The following B4GALT1 variants were observed in gnomAD, a reference collection of about 807,000 sequenced individuals.
The protein encoded by B4GALT1 is N-acetyllactosamine synthase.
In B4GALT1, 16 loss-of-function variants were observed where a neutral mutation model predicts 34.9. The observed-to-expected ratio is 0.46, with a 90% CI of 0.31 to 0.70. B4GALT1 has a LOEUF of 0.70. Among genes scored for constraint, B4GALT1 ranks in the 30% least tolerant of loss-of-function variants. The pLI, the probability that B4GALT1 is intolerant of heterozygous loss-of-function variation, is 0.05. For missense variants in B4GALT1, 445 were observed against 530.5 expected, an observed-to-expected ratio of 0.84 and a Z score of 1.58; for synonymous variants, 221 against 218.1, an observed-to-expected ratio of 1.01 and a Z score of -0.12.
chr9:33,133,552 T>C (rs767619083), intron 2 of B4GALT1, among the ~76,000 whole-genome samples: 6 of 152,230 alleles, frequency 3.9e-5, no homozygotes, highest in Non-Finnish European at 5.9e-5. Flanking sequence ...TAAATGAATA[T>C]GTGTTGGGTT....
intron 2 of B4GALT1, among the ~76,000 whole-genome samples, chr9:33,132,509 G>A (rs1840208048): frequency 1.3e-5 from 2 of 152,354 alleles, no homozygotes; most frequent in East Asian, 1.9e-4. Flanking sequence ...ATTTGGGGAA[G>A]CACACTTTTG....
intron 1 of B4GALT1, among the ~76,000 whole-genome samples, chr9:33,161,013 G>C (rs1840666864): frequency 7.1e-6 from 1 of 140,828 alleles, no homozygotes; most frequent in Non-Finnish European, 1.6e-5. Flanking sequence ...TCTCTGTGAG[G>C]CAAGTCATTC....
upstream of B4GALT1, among the ~76,000 whole-genome samples, chr9:33,172,051 C>T (rs374635293): frequency 2.6e-5 from 4 of 152,110 alleles, no homozygotes; most frequent in South Asian, 6.2e-4. Flanking sequence ...CAGGTGTTAC[C>T]GACCAAAGCG....
At chr9:33,115,451 G>C (rs1839925428) in intron 4 of B4GALT1, among the ~76,000 whole-genome samples, 2 of 152,174 alleles carry the variant, frequency 1.3e-5, no homozygotes, top group African/African-American at 2.4e-5. Context: ...ACATCATAAT[G>C]ATTTACCAGC....
chr9:33,119,635 G>C (rs200701271), intron 3 of B4GALT1, among the ~76,000 whole-genome samples: 51 of 152,206 alleles, frequency 3.4e-4, no homozygotes, highest in Non-Finnish European at 6.6e-4. Context: ...AGGATGGATT[G>C]AGCCCAGGCA....
Position 33,151,237 on chromosome 9 carries a change from T to G in B4GALT1, c.412+15521A>C, listed in dbSNP as rs76002022. On this transcript the variant is annotated intron_variant, in intron 1 of 5. Transcript: ENST00000379731. ...CCCTTGCAGTGAATTCAGCCAGAGA[T>G]TTCTAAGCTACTCAATAACAGTTCT... is the stretch of plus-strand genomic sequence containing the variant. Among the ~76,000 whole-genome samples, 6 of 152,312 alleles carry G rather than the reference T, an allele frequency of 3.9e-5. No individual in the cohort carries two copies. The East Asian group carries it at 1.2e-3, about 29-fold the overall frequency.
chr9:33,167,131 C>A lies in B4GALT1; in HGVS notation c.39G>T (p.Ala13=), dbSNP rs374769857. The change falls in exon 1 of 6, where the codon GCG becomes GCT. Residue 13 remains alanine, a synonymous_variant. Transcript: ENST00000379731. ...LREPLLSGSA[A]MPGASLQRAC... Reference sequence around the variant, plus strand: ...CCCGCTGTAGGGACGCGCCTGGCATCGCGGCGCTGCCGCTCAGGAGCGGCT... The same window carrying A: ...CCCGCTGTAGGGACGCGCCTGGCATAGCGGCGCTGCCGCTCAGGAGCGGCT... 1 of 1,601,838 alleles carries A rather than the reference C, an allele frequency of 6.2e-7. No homozygotes were observed. Among genetic ancestry groups the A allele is most frequent in the Admixed American group, 1.7e-5 (1 of 59,226 alleles).
chr9:33,181,765 G>A, the B4GALT1 span, among the ~76,000 whole-genome samples: 1 of 152,122 alleles, frequency 6.6e-6, no homozygotes, highest in African/African-American at 2.4e-5. Context: ...TTGAGTAAAA[G>A]GCTTTTCCTT....
chr9:33,114,465 T>C (rs1839911281), intron 4 of B4GALT1, among the ~76,000 whole-genome samples: 1 of 152,196 alleles, frequency 6.6e-6, no homozygotes, highest in Admixed American at 6.5e-5. Flanking sequence ...AGAGGCCTTC[T>C]CAGAGCATCC....
rs1669661833 is a variant in B4GALT1 at position 33,113,254 on chromosome 9, C to G, written c.*200G>C. On this transcript the variant is annotated 3_prime_UTR_variant, in exon 6 of 6. Transcript: ENST00000379731. ...GCAAAGGCATAAACACCTTGCAGAG[C>G]TAAGAATTCACATGCCGAGCCAAGT... The G allele has an allele frequency of 1.4e-6, 1 of 704,416 alleles. No individual in the cohort carries two copies. Among genetic ancestry groups the G allele is most frequent in the Non-Finnish European group, 2.5e-6 (1 of 406,664 alleles). 43.6% of individuals were successfully genotyped at this position (704,416 alleles called of 1,614,324 possible).
intron 1 of B4GALT1, among the ~76,000 whole-genome samples, chr9:33,147,514 T>G (rs891885457): frequency 1.4e-5 from 2 of 148,058 alleles, no homozygotes; most frequent in African/African-American, 2.5e-5. Flanking sequence ...CCCAGAATGC[T>G]GGGATTACAG....
At chr9:33,166,060 G>A (rs993197131) in intron 1 of B4GALT1, among the ~76,000 whole-genome samples, 1 of 152,186 alleles carries the variant, frequency 6.6e-6, no homozygotes, top group Non-Finnish European at 1.5e-5. Context: ...CCCATACCAG[G>A]AGGAGGCTAG....
chr9:33,183,935 C>T, the B4GALT1 span, among the ~76,000 whole-genome samples: 4 of 151,912 alleles, frequency 2.6e-5, no homozygotes, highest in African/African-American at 9.7e-5. Context: ...CCAAACACCG[C>T]ATGTTCTCAC....
Position 33,120,540 on chromosome 9 carries a change from A to C in B4GALT1, c.715T>G (p.Tyr239Asp). The change falls in exon 3 of 6, where the codon TAT becomes GAT. Residue 239 changes from tyrosine to aspartate, a missense_variant. Around this residue, in one of 3 missense-constraint regions of B4GALT1, gnomAD observed 349 missense variants for 395.5 expected, o/e 0.88. Transcript: ENST00000379731. ...CTAAACACAAAGCAGGTGTAGTCAT[A>C]GTCCTTCAAGGCTTCTTGAAAGCCA... ...NVGFQEALKD[Y>D]DYTCFVFSDV... 2 of 1,614,208 alleles carry C rather than the reference A, an allele frequency of 1.2e-6. No individual in the cohort carries two copies. Among genetic ancestry groups the C allele is most frequent in the Non-Finnish European group, 1.7e-6 (2 of 1,180,024 alleles).
chr9:33,142,286 G>A (rs1840364280), intron 1 of B4GALT1, among the ~76,000 whole-genome samples: 1 of 152,096 alleles, frequency 6.6e-6, no homozygotes, highest in Admixed American at 6.6e-5. Flanking sequence ...CGGCTGGTTT[G>A]TTTCTTAAAT....
At chr9:33,104,721 C>T (rs777004438) in exon 3 of B4GALT1, 45 of 455,168 alleles carry the variant, frequency 9.9e-5, no homozygotes, top group Non-Finnish European at 1.7e-4. Context: ...TGCGCTGCCA[C>T]CTCCAGAGCA....
chr9:33,184,068 A>G, the B4GALT1 span, among the ~76,000 whole-genome samples: 1 of 152,114 alleles, frequency 6.6e-6, no homozygotes, highest in Non-Finnish European at 1.5e-5. Context: ...TACCTAATGT[A>G]GGTGATGGGT....
At chr9:33,150,694 G>C (rs1490354079) in intron 1 of B4GALT1, among the ~76,000 whole-genome samples, 1 of 152,068 alleles carries the variant, frequency 6.6e-6, no homozygotes, top group African/African-American at 2.4e-5. Flanking sequence ...AAAATTTATA[G>C]ACTATATGCC....
At chr9:33,107,747 C>T (rs552114560), downstream of B4GALT1, among the ~76,000 whole-genome samples, 12 of 152,158 alleles carry the variant, frequency 7.9e-5, no homozygotes, top group Non-Finnish European at 1.6e-4. Context: ...GTCCTTGGCC[C>T]TCTTCCTCCT....
Sources: allele counts gnomAD v4.1 joint callset (sites outside exome capture counted in the v4.1 genomes callset), GRCh38; gene constraint gnomAD v4.1.1; regional missense constraint gnomAD v4.1.1; transcripts MANE v1.5; gene names NCBI Gene and HGNC (gene_info 2026-07-23, HGNC 2026-07-21).